The following OSBP2 variants were observed in gnomAD, a reference collection of about 807,000 sequenced individuals.
OSBP2 encodes oxysterol-binding protein 2.
OSBP2 carries 66 observed loss-of-function variants against 96.0 expected under a neutral mutation model. That is an observed-to-expected ratio of 0.69 (90% confidence interval 0.56 to 0.84). The LOEUF is 0.84. Ranked by LOEUF, OSBP2 falls within the 40% of genes least tolerant of loss-of-function variation. The probability of loss-of-function intolerance (pLI) is 0.00; values close to 1 mark genes in which losing one functional copy is unlikely to be tolerated. For missense variants in OSBP2, 1,038 were observed against 1,222.7 expected, an observed-to-expected ratio of 0.85 and a Z score of 2.25; for synonymous variants, 525 against 520.9, an observed-to-expected ratio of 1.01 and a Z score of -0.11.
intron 1 of OSBP2, among the ~76,000 whole-genome samples, chr22:30,698,209 A>C (rs1044989290): frequency 1.9e-4 from 29 of 152,086 alleles, no homozygotes; most frequent in Non-Finnish European, 2.2e-4. Context: ...CCAGACACCC[A>C]GCTCTCAGCA....
intron 2 of OSBP2, among the ~76,000 whole-genome samples, chr22:30,838,840 T>A (rs1035686498): frequency 2.8e-4 from 42 of 152,006 alleles, no homozygotes; most frequent in Admixed American, 1.1e-3. Context: ...TTTGTTTTTT[T>A]TTATTATTAT....
chr22:30,819,614 C>T, intron 2 of OSBP2, among the ~76,000 whole-genome samples: 1 of 152,212 alleles, frequency 6.6e-6, no homozygotes, highest in East Asian at 1.9e-4. Context: ...TTCACATGAG[C>T]AGAATCTGAT....
At chr22:30,889,367 T>C in intron 6 of OSBP2, 123 bp from the exon 7 acceptor site, 1 of 1,432,554 alleles carries the variant, frequency 7.0e-7, no homozygotes. Flanking sequence ...ATCCTGGCCT[T>C]CCACCAGCAG....
In OSBP2 at chr22:30,843,453, C is replaced by CT. The variant is rs59462860; in HGVS notation, c.854-26976_854-26975insT. Among the ~76,000 whole-genome samples, 7 of 148,422 alleles carry CT rather than the reference C, an allele frequency of 4.7e-5. No homozygotes were observed. The East Asian group carries it at 7.9e-4, about 17-fold the overall frequency. ...CGTTTTCAGGAATCTTTCCCCCCTCCCCCTTGAGCAATAGGTCCTGACAGT... is the reference window on the plus strand; with the variant it reads ...CGTTTTCAGGAATCTTTCCCCCCTCCTCCCTTGAGCAATAGGTCCTGACAGT... On this transcript the variant is annotated intron_variant, in intron 2 of 13. Transcript: ENST00000332585.
intron 3 of OSBP2, among the ~76,000 whole-genome samples, chr22:30,877,088 C>A (rs745810903): frequency 7.9e-5 from 12 of 152,140 alleles, no homozygotes; most frequent in Non-Finnish European, 1.3e-4. Context: ...CTCTCACAAT[C>A]CCCGTAGCCC....
chr22:30,788,098 G>A lies in OSBP2; in HGVS notation c.853+46729G>A, dbSNP rs551057892. The stretch of plus-strand genomic sequence containing the variant: ...GAACAAATAACCTCCCCCATCTTCA[G>A]TTCCTTTATTTGAAAACTAGGGCTG... On this transcript the variant is annotated intron_variant, in intron 2 of 13. Transcript: ENST00000332585. Among the ~76,000 whole-genome samples the A allele has an allele frequency of 2.0e-5, 3 of 152,236 alleles. No homozygotes were observed. In the South Asian group the frequency reaches 6.2e-4, roughly 32 times the overall value.
intron 1 of OSBP2, among the ~76,000 whole-genome samples, chr22:30,707,104 GC>G (rs1205267611): frequency 6.6e-6 from 1 of 151,930 alleles, no homozygotes; most frequent in African/African-American, 2.4e-5. Flanking sequence ...CTTCAGTGAA[GC>G]TTTTTTTTTT....
intron 3 of OSBP2, chr22:30,872,421 C>T (rs927100758): frequency 1.1e-5 from 5 of 455,492 alleles, no homozygotes; most frequent in African/African-American, 1.0e-4. Flanking sequence ...CAGCTGGCTG[C>T]CGTCTTGCAC....
At chr22:30,760,897 A>G (rs2090197968) in intron 2 of OSBP2, among the ~76,000 whole-genome samples, 1 of 152,180 alleles carries the variant, frequency 6.6e-6, no homozygotes, top group South Asian at 2.1e-4. Flanking sequence ...TTATAATATC[A>G]ATTGATACAG....
At chr22:30,843,444 T>TCCCCCC (rs35971934) in intron 2 of OSBP2, among the ~76,000 whole-genome samples, 2 of 120,556 alleles carry the variant, frequency 1.7e-5, no homozygotes, top group African/African-American at 7.9e-5. Flanking sequence ...CAGGAATCTT[T>TCCCCCC]CCCCCCTCCC....
intron 1 of OSBP2, among the ~76,000 whole-genome samples, chr22:30,732,703 C>T (rs1343683349): frequency 6.6e-6 from 1 of 152,250 alleles, no homozygotes; most frequent in Non-Finnish European, 1.5e-5. Context: ...CTGGACCTGT[C>T]TGCTGTAGCT....
intron 1 of OSBP2, among the ~76,000 whole-genome samples, chr22:30,698,586 G>C (rs1252406403): frequency 6.6e-6 from 1 of 151,802 alleles, no homozygotes; most frequent in Non-Finnish European, 1.5e-5. Flanking sequence ...CTACAGGCGT[G>C]CACCACCACG....
Position 30,730,767 on chromosome 22 carries a change from T to TCTC in OSBP2, c.645-10393_645-10391dup, listed in dbSNP as rs1569100409. Among the ~76,000 whole-genome samples the TCTC allele has an allele frequency of 1.5e-3, 74 of 49,048 alleles. 3 individuals are homozygous for TCTC. The highest frequency in any genetic ancestry group is 2.3e-3 in the Non-Finnish European group (63 of 27,206). The allele number at this position is 49,048 out of a possible 152,430, so 32.2% of individuals were successfully genotyped here. A position where few individuals can be genotyped will look rare whatever the true frequency, so the allele number is the denominator to read the frequency against. On this transcript the variant is annotated intron_variant, in intron 1 of 13. Transcript: ENST00000332585. ...CTCTCTCTCTCTCTCTCTCTCTCTC[T>TCTC]CTCTCTCTATATATATATATATATA... is the stretch of plus-strand genomic sequence containing the variant.
chr22:30,888,592 G>A (rs930725441), intron 5 of OSBP2, among the ~76,000 whole-genome samples: 1 of 152,160 alleles, frequency 6.6e-6, no homozygotes, highest in African/African-American at 2.4e-5. Context: ...GCCAGGCATG[G>A]TAGTGCAGGC....
chr22:30,840,218 AAAAG>A (rs769169884), intron 2 of OSBP2, among the ~76,000 whole-genome samples: 44 of 151,974 alleles, frequency 2.9e-4, no homozygotes, highest in Non-Finnish European at 5.1e-4. Context: ...ATAAAAAAAA[AAAAG>A]AAAGAAACTT....
At chr22:30,795,404 C>G (rs2090743088) in intron 2 of OSBP2, among the ~76,000 whole-genome samples, 1 of 152,124 alleles carries the variant, frequency 6.6e-6, no homozygotes, top group Non-Finnish European at 1.5e-5. Context: ...TTCTCTCTTC[C>G]TCTTATGGGA....
chr22:30,886,558 G>A (rs928683872), intron 3 of OSBP2, among the ~76,000 whole-genome samples: 1 of 152,280 alleles, frequency 6.6e-6, no homozygotes, highest in African/African-American at 2.4e-5. Context: ...ACAGATGCAC[G>A]TTTTCCCCCA....
rs570205493 is a variant in OSBP2, at chr22:30,860,787, G to A, written c.854-9642G>A. On this transcript the variant is annotated intron_variant, in intron 2 of 13. Transcript: ENST00000332585. ...CTGTGGGTAGGCTGGGTGTTCTGCC[G>A]GCTGGAGGAAGCTGTGGGCAGCAGG... Among the ~76,000 whole-genome samples, 8 of 152,316 alleles carry A rather than the reference G, an allele frequency of 5.3e-5. No homozygotes were observed. In the South Asian group the frequency reaches 1.4e-3, roughly 28 times the overall value.
At chr22:30,730,810 T>TAA (rs1491091512) in intron 1 of OSBP2, among the ~76,000 whole-genome samples, 2 of 54,780 alleles carry the variant, frequency 3.7e-5, no homozygotes, top group Non-Finnish European at 6.8e-5. Flanking sequence ...ATATATATAA[T>TAA]TTTTTTTTTT....
Sources: gnomAD v4.1 joint callset for allele counts (sites outside exome capture counted in the v4.1 genomes callset) on GRCh38, gnomAD v4.1.1 for gene constraint, MANE v1.5 for transcripts, NCBI Gene and HGNC (gene_info 2026-07-23, HGNC 2026-07-21) for gene names.